The following FBN3 variants were observed in gnomAD, a reference collection of about 807,000 sequenced individuals.
FBN3 encodes fibrillin-3.
A neutral mutation model predicts 330.1 loss-of-function variants in FBN3; 234 were observed. That is an observed-to-expected ratio of 0.71 (90% CI 0.64 to 0.79). The LOEUF (loss-of-function observed/expected upper bound fraction) is 0.79. Among genes scored for constraint, FBN3 ranks in the 30% least tolerant of loss-of-function variants. FBN3 has a pLI of 0.00. For missense variants in FBN3, 3,606 were observed against 3,886.9 expected, an observed-to-expected ratio of 0.93 and a Z score of 1.92; for synonymous variants, 1,458 against 1,517.3, an observed-to-expected ratio of 0.96 and a Z score of 0.91.
chr19:8,142,729 C>T (rs1201906841), intron 6 of FBN3, among the ~76,000 whole-genome samples: 4 of 151,964 alleles, frequency 2.6e-5, no homozygotes, highest in South Asian at 4.1e-4. Context: ...CAAGGGCAGC[C>T]GCTCCCAAGA....
rs1215466957 is a variant in FBN3 at position 8,134,509 on chromosome 19, G to GT, written c.1592-1404_1592-1403insA. Among the ~76,000 whole-genome samples, 9 of 152,206 alleles carry GT rather than the reference G, an allele frequency of 5.9e-5. No individual in the cohort carries two copies. The East Asian group carries it at 1.7e-3, about 29-fold the overall frequency. ...GGGGACATTGCTTGAGCCCCCCAGG[G>GT]CCCCTCCCTGGGGTGTGGGAGGCAA... On this transcript the variant is annotated intron_variant, in intron 13 of 63. Transcript: ENST00000600128.
At position 8,097,527 on chromosome 19, in the gene FBN3, C is replaced by T. The variant is rs375332203; in HGVS notation, c.5162-113G>A. The T allele has an allele frequency of 7.5e-5, 89 of 1,182,768 alleles. No homozygotes were observed. The East Asian group carries it at 1.3e-3, about 18-fold the overall frequency. The allele number at this position is 1,182,768 out of a possible 1,614,324, so 73.3% of individuals were successfully genotyped here. On this transcript the variant is annotated intron_variant, in intron 41 of 63. Coordinates refer to ENST00000600128, the MANE Select transcript of FBN3 (RefSeq NM_032447.5). ...TGGTTGAGGCTGTTGTGGCCACAAA[C>T]CAGCACACACTCAAGAAAATCTTGC...
Position 8,135,943 on chromosome 19 carries a change from C to CCCCCCCCCCCCCCCCCCCCCCA in FBN3, c.1591+17_1591+18insTGGGGGGGGGGGGGGGGGGGGG. On this transcript the variant is annotated intron_variant, in intron 13 of 63. Coordinates refer to ENST00000600128, the MANE Select transcript of FBN3 (RefSeq NM_032447.5). The stretch of plus-strand genomic sequence containing the variant: ...TGGGGCCCGGAAGCCCCTGCCCACC[C>CCCCCCCCCCCCCCCCCCCCCCA]GCCCACCCCCAACTCACCCACACAG... 2.1e-6 allele frequency: 1 copy of CCCCCCCCCCCCCCCCCCCCCCA among 481,674 alleles called. No individual in the cohort carries two copies. The highest frequency in any genetic ancestry group is 4.0e-6 in the Non-Finnish European group (1 of 250,162). The allele number at this position is 481,674 out of a possible 1,614,324, so 29.8% of individuals were successfully genotyped here. A position where few individuals can be genotyped will look rare whatever the true frequency, so the allele number is the denominator to read the frequency against.
At chr19:8,117,033 A>G in intron 28 of FBN3, 136 bp downstream of exon 28, 1 of 1,375,236 alleles carries the variant, frequency 7.3e-7, no homozygotes, top group Non-Finnish European at 9.8e-7. Context: ...GGCCAGGACC[A>G]CAGGCCAGGC....
In FBN3 at chr19:8,136,253, C is replaced by G; in HGVS notation, c.1402G>C (p.Gly468Arg). 6.2e-7 allele frequency: 1 copy of G among 1,608,642 alleles called. No homozygotes were observed. The highest frequency in any genetic ancestry group is 8.5e-7 in the Non-Finnish European group (1 of 1,178,318). ...GGGTAGCACCGGCAGTGGTAGGTGCCGGGGATGTTGACGCAGTCACCGTGG... is the reference window on the plus strand; with the variant it reads ...GGGTAGCACCGGCAGTGGTAGGTGCGGGGGATGTTGACGCAGTCACCGTGG... The part of the protein sequence containing the change: ...CHHGDCVNIP[G>R]TYHCRCYPGF... The change falls in exon 12 of 64, where the codon GGC becomes CGC. Residue 468 changes from glycine to arginine, a missense_variant. Transcript: ENST00000600128.
In FBN3 at chr19:8,145,931, C is replaced by T. The variant is rs1397548139; in HGVS notation, c.357G>A (p.Gly119=). The change falls in exon 5 of 64, where the codon GGG becomes GGA. Residue 119 remains glycine, a synonymous_variant. Coordinates refer to ENST00000600128, the MANE Select transcript of FBN3 (RefSeq NM_032447.5). The part of the protein sequence containing the change: ...APSCGVSRGS[G]CSVSCMNGGT... ...CCCCATTCATACAGCTCACACTGCA[C>T]CCTGACCCTGGGGACAGGAAGGCAG... The T allele has an allele frequency of 6.4e-7, 1 of 1,551,156 alleles. No individual in the cohort carries two copies. The highest frequency in any genetic ancestry group is 8.7e-7 in the Non-Finnish European group (1 of 1,146,880).
intron 63 of FBN3, among the ~76,000 whole-genome samples, chr19:8,068,175 A>G (rs575747094): frequency 2.0e-5 from 3 of 151,786 alleles, no homozygotes; most frequent in South Asian, 2.1e-4. Context: ...TCACGAGGTC[A>G]GGAGATTGAG....
rs2083537957 is a variant in FBN3 at position 8,146,115 on chromosome 19, C to T, written c.349+12G>A. On this transcript the variant is annotated intron_variant, in intron 4 of 63. Coordinates refer to ENST00000600128, the MANE Select transcript of FBN3 (RefSeq NM_032447.5). ...TTCTTCTCCCTCCCGCAAGAGGCCG[C>T]TTCCCGCTCACCTCGGCTCACCCCG... 2 of 1,577,020 alleles carry T rather than the reference C, an allele frequency of 1.3e-6. No homozygotes were observed. The highest frequency in any genetic ancestry group is 1.7e-6 in the Non-Finnish European group (2 of 1,162,048).
intron 26 of FBN3, 100 bp downstream of exon 26, chr19:8,118,797 G>A: frequency 1.4e-6 from 2 of 1,428,054 alleles, no homozygotes; most frequent in Non-Finnish European, 1.9e-6. Flanking sequence ...AGATACACAT[G>A]CCCACCCTCT....
At position 8,087,066 on chromosome 19, in the gene FBN3, G is replaced by A. The variant is rs746756285; in HGVS notation, c.6754+11C>T. 1.2e-6 allele frequency: 2 copies of A among 1,602,966 alleles called. No homozygotes were observed. Among genetic ancestry groups the A allele is most frequent in the African/African-American group, 1.3e-5 (1 of 74,376 alleles). On this transcript the variant is annotated intron_variant, in intron 54 of 63. Transcript: ENST00000600128. ...AGTTTCCTGCACCCATGAAGCTCCA[G>A]TGCCCCATACCTGTGCAGCCCTCCC...
Position 8,072,186 on chromosome 19 carries a change from G to A in FBN3, c.7950C>T (p.Ser2650=), listed in dbSNP as rs151208986. Residue 2650 remains serine (S), a synonymous_variant, in exon 63 of 64, where the codon TCC becomes TCT. Transcript: ENST00000600128. Reference sequence around the variant, plus strand: ...GGGGTCCGGGGCTGAAGCCCAGGCCGGAGACACAGTGCCTGGGCCAGGATG... The same window carrying A: ...GGGGTCCGGGGCTGAAGCCCAGGCCAGAGACACAGTGCCTGGGCCAGGATG... ...YFRAGQGHCV[S]GLGFSPGPQD... The A allele has an allele frequency of 1.9e-4, 295 of 1,551,474 alleles. No individual in the cohort carries two copies. Among genetic ancestry groups the A allele is most frequent in the Non-Finnish European group, 2.4e-4 (277 of 1,150,506 alleles).
At chr19:8,138,051 C>T in intron 10 of FBN3, 90 bp downstream of exon 10, 1 of 1,410,272 alleles carries the variant, frequency 7.1e-7, no homozygotes, top group Admixed American at 2.8e-5. Flanking sequence ...TCTCTGAGGC[C>T]TGGACACCGT....
At chr19:8,072,600 C>A (rs1378712049) in intron 62 of FBN3, among the ~76,000 whole-genome samples, 1 of 151,958 alleles carries the variant, frequency 6.6e-6, no homozygotes, top group Non-Finnish European at 1.5e-5. Context: ...ATAGTGTGAG[C>A]ACTCACAGAT....
chr19:8,135,936 G>GACC, intron 13 of FBN3, 25 bp downstream of exon 13: 28 of 668,770 alleles, frequency 4.2e-5, no homozygotes, highest in South Asian at 1.1e-4. Context: ...GGAAGCCCCT[G>GACC]CCCACCCGCC....
intron 11 of FBN3, 22 bp downstream of exon 11, chr19:8,136,366 C>A (rs74793033): frequency 3.4e-5 from 55 of 1,609,836 alleles, no homozygotes; most frequent in Admixed American, 1.0e-4. Flanking sequence ...ACCGCCCCCC[C>A]TTCCACCTGG....
chr19:8,073,260 C>A lies in FBN3; in HGVS notation c.7740G>T (p.Gly2580=). Residue 2580 remains glycine, a synonymous_variant, in exon 62 of 64, where the codon GGG becomes GGT. Coordinates refer to ENST00000600128, the MANE Select transcript of FBN3 (RefSeq NM_032447.5). ...NECALSPPTC[G]SASCRNTLGG... ...CAAGAGTGTTGCGACAGGAGGCGCTCCCGCAGGTGGGGGGCGACAGGGCAC... is the reference window on the plus strand; with the variant it reads ...CAAGAGTGTTGCGACAGGAGGCGCTACCGCAGGTGGGGGGCGACAGGGCAC... 6.2e-7 allele frequency: 1 copy of A among 1,613,864 alleles called. No individual in the cohort carries two copies. Among genetic ancestry groups the A allele is most frequent in the Non-Finnish European group, 8.5e-7 (1 of 1,179,938 alleles).
chr19:8,135,936 G>GGGGGGGGGGGGGGGGGCCCC, intron 13 of FBN3, 25 bp downstream of exon 13: 23 of 668,730 alleles, frequency 3.4e-5, no homozygotes, highest in East Asian at 7.9e-5. Flanking sequence ...GGAAGCCCCT[G>GGGGGGGGGGGGGGGGGCCCC]CCCACCCGCC....
chr19:8,097,613 G>A (rs1325116858), intron 41 of FBN3, among the ~76,000 whole-genome samples, 199 bp from the exon 42 acceptor site: 1 of 152,214 alleles, frequency 6.6e-6, no homozygotes, highest in Non-Finnish European at 1.5e-5. Context: ...AAAGACAAGA[G>A]CAGAGAGACT....
At chr19:8,120,132 T>TTTTTC (rs1278575507) in intron 25 of FBN3, among the ~76,000 whole-genome samples, 4 of 151,250 alleles carry the variant, frequency 2.6e-5, no homozygotes, top group South Asian at 2.1e-4. Context: ...ATTTTGCATT[T>TTTTTC]TTTTCTTTTC....
Sources: gnomAD v4.1 joint callset for allele counts (sites outside exome capture counted in the v4.1 genomes callset) on GRCh38, gnomAD v4.1.1 for gene constraint, MANE v1.5 for transcripts, NCBI Gene and HGNC (gene_info 2026-07-23, HGNC 2026-07-21) for gene names.